Variants in SPACA7 observed in about 807,000 individuals in gnomAD.
The protein encoded by SPACA7 is sperm acrosome-associated protein 7.
In SPACA7, 19 loss-of-function variants were observed where a neutral mutation model predicts 26.3. The observed-to-expected ratio is 0.72, with a 90% CI of 0.50 to 1.06. SPACA7 has a LOEUF of 1.06. Ranked by LOEUF, SPACA7 falls within the 50% of genes least tolerant of loss-of-function variation. The pLI is 0.00. For synonymous variants in SPACA7, 84 were observed against 84.5 expected, an observed-to-expected ratio of 0.99 and a Z score of 0.04; for missense variants, 211 against 229.9, an observed-to-expected ratio of 0.92 and a Z score of 0.53.
intron 5 of SPACA7, among the ~76,000 whole-genome samples, chr13:112,405,132 G>A (rs775495980): frequency 4.5e-4 from 69 of 151,866 alleles, no homozygotes; most frequent in Non-Finnish European, 8.4e-4. Flanking sequence ...ACAGGCATCC[G>A]CCAACATGCC....
intron 1 of SPACA7, chr13:112,378,670 C>T (rs1883848737): frequency 4.2e-6 from 2 of 471,092 alleles, no homozygotes; most frequent in Non-Finnish European, 8.8e-6. Context: ...GTTCCTGGAT[C>T]TGCCAGCAAA....
At chr13:112,403,986 T>C (rs1885812553) in intron 5 of SPACA7, among the ~76,000 whole-genome samples, 1 of 152,234 alleles carries the variant, frequency 6.6e-6, no homozygotes, top group Non-Finnish European at 1.5e-5. Context: ...TTTAGTTCTT[T>C]AAGGAATCTC....
chr13:112,402,631 T>C (rs919092319), intron 5 of SPACA7, among the ~76,000 whole-genome samples: 1 of 152,238 alleles, frequency 6.6e-6, no homozygotes, highest in Non-Finnish European at 1.5e-5. Context: ...ATGCCTATAA[T>C]GTTTATCCAG....
At chr13:112,420,606 C>T (rs1875855291) in intron 5 of SPACA7, among the ~76,000 whole-genome samples, 1 of 151,970 alleles carries the variant, frequency 6.6e-6, no homozygotes, top group East Asian at 1.9e-4. Flanking sequence ...ACATACATAT[C>T]ATTGAAATCA....
intron 5 of SPACA7, among the ~76,000 whole-genome samples, chr13:112,416,114 GTTA>G (rs1025897937): frequency 3.5e-4 from 53 of 151,974 alleles, no homozygotes; most frequent in African/African-American, 1.1e-3. Flanking sequence ...GTCTTTTCCT[GTTA>G]TTATGCTAAA....
At chr13:112,394,869 T>C (rs1885134353) in intron 2 of SPACA7, among the ~76,000 whole-genome samples, 1 of 152,106 alleles carries the variant, frequency 6.6e-6, no homozygotes. Flanking sequence ...GCGTTTCTGA[T>C]ATTTTTCCTG....
In SPACA7 at chr13:112,432,526, A is replaced by G; in HGVS notation, c.523+5A>G. 1 of 1,577,400 alleles carries G rather than the reference A, an allele frequency of 6.3e-7. No individual in the cohort carries two copies. Among genetic ancestry groups the G allele is most frequent in the Non-Finnish European group, 8.7e-7 (1 of 1,146,522 alleles). On this transcript the variant is annotated splice_donor_5th_base_variant and intron_variant, in intron 6 of 6. Transcript: ENST00000283550. ...AAAATATTGGAAGATCTTCAGGTAGATTGGAAATAATAGATAAGTGTCTTC... is the reference window on the plus strand; with the variant it reads ...AAAATATTGGAAGATCTTCAGGTAGGTTGGAAATAATAGATAAGTGTCTTC...
intron 5 of SPACA7, among the ~76,000 whole-genome samples, chr13:112,409,586 A>T (rs1288579618): frequency 6.6e-6 from 1 of 152,216 alleles, no homozygotes; most frequent in Admixed American, 6.5e-5. Flanking sequence ...AAAAGAAGAC[A>T]TTTATGCAGC....
At chr13:112,382,388 GT>G in intron 1 of SPACA7, 1 of 1,534,160 alleles carries the variant, frequency 6.5e-7, no homozygotes, top group Admixed American at 2.0e-5. Context: ...ATGAGCCACC[GT>G]GCCTGGCCAA....
Position 112,378,174 on chromosome 13 carries a change from A to C in SPACA7, c.94+1695A>C, listed in dbSNP as rs1046985009. On this transcript the variant is annotated intron_variant, in intron 1 of 6. Transcript: ENST00000283550. Reference sequence around the variant, plus strand: ...AACACCCAGTCAGGAGGGCAGAAGAAAGACTGGAAATGTTAGCCTGGGAAC... The same window carrying C: ...AACACCCAGTCAGGAGGGCAGAAGACAGACTGGAAATGTTAGCCTGGGAAC... Among the ~76,000 whole-genome samples the C allele has an allele frequency of 2.0e-5, 3 of 152,196 alleles. No individual in the cohort carries two copies. The South Asian group carries it at 6.2e-4, about 32-fold the overall frequency.
chr13:112,396,745 C>T (rs1229180363), intron 2 of SPACA7, among the ~76,000 whole-genome samples: 1 of 152,172 alleles, frequency 6.6e-6, no homozygotes, highest in African/African-American at 2.4e-5. Flanking sequence ...GGCTGGGATC[C>T]TGGGGCACCC....
chr13:112,416,240 T>A (rs939544353), intron 5 of SPACA7, among the ~76,000 whole-genome samples: 1 of 151,858 alleles, frequency 6.6e-6, no homozygotes, highest in African/African-American at 2.4e-5. Context: ...GAGGGTAATA[T>A]TTAGCTATCT....
chr13:112,386,931 T>C (rs1244332095), intron 1 of SPACA7, among the ~76,000 whole-genome samples: 2 of 152,066 alleles, frequency 1.3e-5, no homozygotes, highest in Non-Finnish European at 2.9e-5. Flanking sequence ...TCTCCACAAG[T>C]TCAGAGAAAG....
chr13:112,383,133 G>A (rs1411168158), intron 1 of SPACA7, among the ~76,000 whole-genome samples: 1 of 3,142 alleles, frequency 3.2e-4, no homozygotes, highest in African/African-American at 6.7e-4. Flanking sequence ...AAGAAAGAAA[G>A]AAAGAAAGAA....
At chr13:112,432,777 T>TC (rs1877289221) in intron 6 of SPACA7, among the ~76,000 whole-genome samples, 1 of 152,050 alleles carries the variant, frequency 6.6e-6, no homozygotes, top group Non-Finnish European at 1.5e-5. Flanking sequence ...AGGGGACTAG[T>TC]CCCCCTTTTC....
intron 5 of SPACA7, among the ~76,000 whole-genome samples, chr13:112,413,253 T>C (rs9604320): frequency 0.082 from 12,419 of 152,220 alleles, 1,104 homozygotes; most frequent in East Asian, 0.28. Flanking sequence ...GCCTTTCTTG[T>C]AAGACAGGTC....
At chr13:112,410,117 C>CA (rs71164057) in intron 5 of SPACA7, among the ~76,000 whole-genome samples, 4 of 151,748 alleles carry the variant, frequency 2.6e-5, no homozygotes, top group South Asian at 2.1e-4. Flanking sequence ...ATCGCAAGGA[C>CA]AAAAAACCAA....
intron 5 of SPACA7, among the ~76,000 whole-genome samples, chr13:112,401,978 T>C (rs1337257261): frequency 6.6e-6 from 1 of 152,232 alleles, no homozygotes; most frequent in African/African-American, 2.4e-5. Context: ...CAGAGTGTAT[T>C]TTAACCTCTG....
At chr13:112,411,090 T>C (rs1886318857) in intron 5 of SPACA7, among the ~76,000 whole-genome samples, 1 of 151,718 alleles carries the variant, frequency 6.6e-6, no homozygotes, top group African/African-American at 2.4e-5. Context: ...CACAACCCTG[T>C]CAAAATATCA....
Sources: gnomAD v4.1 joint callset for allele counts (sites outside exome capture counted in the v4.1 genomes callset) on GRCh38, gnomAD v4.1.1 for gene constraint, MANE v1.5 for transcripts, NCBI Gene and HGNC (gene_info 2026-07-23, HGNC 2026-07-21) for gene names.